The following SERP2 variants were observed in gnomAD, a reference collection of about 807,000 sequenced individuals.
SERP2 encodes the protein stress associated endoplasmic reticulum protein family member 2.
Under a neutral mutation model 9.1 loss-of-function variants are expected in SERP2, and 6 were observed. The ratio of observed to expected loss-of-function variants is 0.66; its 90% CI spans 0.36 to 1.30. The LOEUF is 1.30. Among genes scored for constraint, SERP2 ranks in the 50% most tolerant of loss-of-function variants. SERP2 has a pLI of 0.03. For missense variants in SERP2, 58 were observed against 81.9 expected (o/e 0.71, Z 1.13); for synonymous variants, 37 against 27.3 (o/e 1.35, Z -1.10).
chr13:44,386,390 G>GT (rs907102060), intron 2 of SERP2, among the ~76,000 whole-genome samples: 13 of 151,938 alleles, frequency 8.6e-5, no homozygotes, highest in African/African-American at 2.7e-4. Flanking sequence ...GATAACCAGT[G>GT]TTTTTTTTCT....
chr13:44,375,871 T>C (rs540951260), intron 1 of SERP2, among the ~76,000 whole-genome samples: 11 of 152,170 alleles, frequency 7.2e-5, no homozygotes, highest in African/African-American at 2.4e-4. Flanking sequence ...AATTATTAGC[T>C]CCAAAATAAA....
At chr13:44,381,271 G>C (rs1261731109) in intron 2 of SERP2, among the ~76,000 whole-genome samples, 1 of 149,794 alleles carries the variant, frequency 6.7e-6, no homozygotes, top group African/African-American at 2.5e-5. Context: ...GCCAGGCGCA[G>C]TGGCTCACGC....
chr13:44,374,846 T>A (rs1204151851), intron 1 of SERP2, among the ~76,000 whole-genome samples: 1 of 152,160 alleles, frequency 6.6e-6, no homozygotes, highest in African/African-American at 2.4e-5. Flanking sequence ...TTCTTTCCAC[T>A]TGGTGAATTC....
chr13:44,374,023 G>T lies in SERP2; in HGVS notation c.-3G>T. On this transcript the variant is annotated 5_prime_UTR_variant, in exon 1 of 3. Transcript: ENST00000379179. The stretch of plus-strand genomic sequence containing the variant: ...GGTGGGAGCATTTCAGAGCGCACAA[G>T]CCATGGTGGCCAAACAGCGGATCCG... 1 of 1,595,222 alleles carries T rather than the reference G, an allele frequency of 6.3e-7. No individual in the cohort carries two copies. Among genetic ancestry groups the T allele is most frequent in the Non-Finnish European group, 8.5e-7 (1 of 1,170,916 alleles).
intron 2 of SERP2, among the ~76,000 whole-genome samples, chr13:44,387,870 T>G (rs1161623022): frequency 6.6e-6 from 1 of 152,236 alleles, no homozygotes; most frequent in African/African-American, 2.4e-5. Flanking sequence ...ATTTCAATTT[T>G]ATTTCTCTAC....
At chr13:44,395,420 C>T (rs1164694047) in intron 2 of SERP2, among the ~76,000 whole-genome samples, 3 of 151,776 alleles carry the variant, frequency 2.0e-5, no homozygotes, top group African/African-American at 7.3e-5. Flanking sequence ...CTGGCTAACA[C>T]GGTGAAATCC....
intron 1 of SERP2, 109 bp downstream of exon 1, chr13:44,374,218 T>C: frequency 1.4e-6 from 1 of 732,468 alleles, no homozygotes; most frequent in Non-Finnish European, 2.0e-6. Flanking sequence ...GCCTCCCGGC[T>C]CCCGGCCCGC....
chr13:44,392,862 C>T (rs1872860782), intron 2 of SERP2, among the ~76,000 whole-genome samples: 1 of 152,050 alleles, frequency 6.6e-6, no homozygotes, highest in African/African-American at 2.4e-5. Context: ...GAGGCATTGC[C>T]TAAGAAGAAA....
At chr13:44,385,368 G>A (rs1179949150) in intron 2 of SERP2, among the ~76,000 whole-genome samples, 3 of 152,180 alleles carry the variant, frequency 2.0e-5, no homozygotes, top group Non-Finnish European at 2.9e-5. Context: ...ACGCACTCAG[G>A]GAATGCCACC....
intron 2 of SERP2, among the ~76,000 whole-genome samples, chr13:44,396,647 T>C (rs1873121915): frequency 6.6e-6 from 1 of 152,184 alleles, no homozygotes; most frequent in Non-Finnish European, 1.5e-5. Flanking sequence ...CCAGGAGTTC[T>C]CTGTGGGCTT....
intron 1 of SERP2, among the ~76,000 whole-genome samples, chr13:44,376,214 T>C (rs1267843832): frequency 6.6e-6 from 1 of 152,266 alleles, no homozygotes; most frequent in Non-Finnish European, 1.5e-5. Context: ...TGAAATTTTC[T>C]TTCAAAGAGA....
At chr13:44,394,563 T>G (rs1054418257) in intron 2 of SERP2, among the ~76,000 whole-genome samples, 3 of 152,264 alleles carry the variant, frequency 2.0e-5, no homozygotes, top group African/African-American at 7.2e-5. Flanking sequence ...GGTTTCCTAT[T>G]TGTTGACTTA....
At chr13:44,395,874 T>C (rs1291997322) in intron 2 of SERP2, 1 of 455,252 alleles carries the variant, frequency 2.2e-6, no homozygotes, top group Non-Finnish European at 4.4e-6. Context: ...TGACCAGAGA[T>C]GAGAAGAAAG....
At chr13:44,381,791 C>A (rs1430821972) in intron 2 of SERP2, among the ~76,000 whole-genome samples, 1 of 152,190 alleles carries the variant, frequency 6.6e-6, no homozygotes, top group Non-Finnish European at 1.5e-5. Flanking sequence ...CATCTACATA[C>A]CCCTTTATCC....
chr13:44,385,158 CCTTT>C (rs1364028599), intron 2 of SERP2, among the ~76,000 whole-genome samples: 1 of 152,206 alleles, frequency 6.6e-6, no homozygotes, highest in East Asian at 1.9e-4. Context: ...CTACAGGACC[CCTTT>C]CTTATAGACA....
At chr13:44,397,106 A>T (rs992115049) in intron 2 of SERP2, among the ~76,000 whole-genome samples, 166 bp from the exon 3 acceptor site, 3 of 152,206 alleles carry the variant, frequency 2.0e-5, no homozygotes, top group African/African-American at 7.2e-5. Flanking sequence ...CTTTTTAAAG[A>T]AGTTCACTGA....
chr13:44,384,665 T>A (rs1872213215), intron 2 of SERP2, among the ~76,000 whole-genome samples: 1 of 152,214 alleles, frequency 6.6e-6, no homozygotes, highest in Non-Finnish European at 1.5e-5. Flanking sequence ...CTATTAGCTC[T>A]CCTTTGAACA....
chr13:44,394,472 G>T (rs1595058908), intron 2 of SERP2, among the ~76,000 whole-genome samples: 1 of 152,158 alleles, frequency 6.6e-6, no homozygotes, highest in African/African-American at 2.4e-5. Flanking sequence ...AAAAAGAATT[G>T]CATGGTTTCT....
chr13:44,384,613 T>C (rs1026635751), intron 2 of SERP2, among the ~76,000 whole-genome samples: 1 of 152,198 alleles, frequency 6.6e-6, no homozygotes. Context: ...TTGTAGGATC[T>C]CCACATCTCT....
Sources: gnomAD v4.1 joint callset for allele counts (sites outside exome capture counted in the v4.1 genomes callset) on GRCh38, gnomAD v4.1.1 for gene constraint, MANE v1.5 for transcripts, NCBI Gene and HGNC (gene_info 2026-07-23, HGNC 2026-07-21) for gene names.